Variants in SYNE2 observed in about 807,000 individuals in gnomAD.
SYNE2 encodes nesprin-2.
Under a neutral mutation model 856.3 loss-of-function variants are expected in SYNE2, and 431 were observed. The ratio of observed to expected loss-of-function variants is 0.50; its 90% CI spans 0.47 to 0.55. The LOEUF (loss-of-function observed/expected upper bound fraction) is 0.55, where lower values mean the gene tolerates loss of function less well. Among genes scored for constraint, SYNE2 ranks in the 20% least tolerant of loss-of-function variants. The pLI is 0.00. For missense variants in SYNE2, 8,129 were observed against 8,023.2 expected (o/e 1.01, Z -0.50); for synonymous variants, 2,923 against 2,872.3 (o/e 1.02, Z -0.56).
chr14:64,083,908 T>C (rs1284768045), intron 57 of SYNE2, among the ~76,000 whole-genome samples: 1 of 152,030 alleles, frequency 6.6e-6, no homozygotes, highest in Non-Finnish European at 1.5e-5. Flanking sequence ...AAAATGACAT[T>C]ATAAAAATAG....
At chr14:63,927,014 A>G (rs1451000411) in intron 2 of SYNE2, among the ~76,000 whole-genome samples, 1 of 152,188 alleles carries the variant, frequency 6.6e-6, no homozygotes, top group Non-Finnish European at 1.5e-5. Context: ...AAGGTCCTGA[A>G]AGAAGGCGGG....
intron 45 of SYNE2, among the ~76,000 whole-genome samples, chr14:64,038,704 G>C (rs554152550): frequency 2.6e-5 from 4 of 152,382 alleles, no homozygotes; most frequent in African/African-American, 9.6e-5. Context: ...CCAGTCAGGC[G>C]TGGCGGCGGG....
At chr14:63,832,379 G>T (rs575883972) in intron 1 of SYNE2, among the ~76,000 whole-genome samples, 1 of 151,930 alleles carries the variant, frequency 6.6e-6, no homozygotes, top group East Asian at 2.0e-4. Flanking sequence ...GGGCTCAAGT[G>T]ATCCTCCCAC....
intron 1 of SYNE2, among the ~76,000 whole-genome samples, chr14:63,822,171 A>G (rs1889245153): frequency 1.3e-5 from 2 of 152,174 alleles, no homozygotes. Flanking sequence ...AGCCCGGGTG[A>G]CAGAGGGAGA....
At position 64,142,032 on chromosome 14, in the gene SYNE2, T is replaced by A; in HGVS notation, c.15250T>A (p.Ser5084Thr). The A allele has an allele frequency of 1.2e-6, 2 of 1,614,144 alleles. No homozygotes were observed. The highest frequency in any genetic ancestry group is 1.7e-6 in the Non-Finnish European group (2 of 1,179,998). Residue 5084 changes from serine to threonine, a missense_variant, in exon 82 of 116, where the codon TCC becomes ACC. Physicochemically the swap from Ser to Thr is moderately conservative, Grantham distance 58. Transcript: ENST00000555002. ...NVEHQTSDED[S>T]VHSPSSASQV... ...GGAGCATCAAACTTCAGATGAAGAC[T>A]CCGTGCATTCACCAAGTTCTGCATC...
chr14:64,123,868 T>TCACA (rs34459065), intron 70 of SYNE2, among the ~76,000 whole-genome samples: 103 of 148,246 alleles, frequency 6.9e-4, no homozygotes, highest in African/African-American at 2.0e-3. Context: ...ATTAATGATT[T>TCACA]CACACACACA....
At chr14:63,864,432 A>G (rs1001425523) in intron 1 of SYNE2, 5 of 152,278 alleles carry the variant, frequency 3.3e-5, no homozygotes, top group Non-Finnish European at 7.3e-5. Context: ...TTTGGTTACA[A>G]AGACTCTCTG....
chr14:63,959,552 C>G (rs2096283780), intron 8 of SYNE2, among the ~76,000 whole-genome samples: 1 of 152,090 alleles, frequency 6.6e-6, no homozygotes, highest in Admixed American at 6.6e-5. Flanking sequence ...CCGCCTTGAC[C>G]TCACAAAGTG....
chr14:64,068,755 G>T (rs1255969), intron 51 of SYNE2, among the ~76,000 whole-genome samples: 1 of 150,730 alleles, frequency 6.6e-6, no homozygotes, highest in African/African-American at 2.4e-5. Flanking sequence ...CCAGCTGCTC[G>T]GGAGGCTGAG....
At chr14:64,108,399 A>T (rs1372995578) in intron 65 of SYNE2, among the ~76,000 whole-genome samples, 1 of 152,138 alleles carries the variant, frequency 6.6e-6, no homozygotes, top group African/African-American at 2.4e-5. Flanking sequence ...GAATGGAGGA[A>T]TAAGGAATCA....
chr14:64,122,592 C>T (rs2097906137), intron 70 of SYNE2, 165 bp downstream of exon 70: 1 of 854,892 alleles, frequency 1.2e-6, no homozygotes, highest in African/African-American at 1.7e-5. Context: ...AGGAACCCTT[C>T]CTTTGTGCTT....
At chr14:63,921,465 C>A (rs1208374540) in intron 2 of SYNE2, among the ~76,000 whole-genome samples, 2 of 152,096 alleles carry the variant, frequency 1.3e-5, no homozygotes, top group Admixed American at 6.5e-5. Flanking sequence ...AAAAGCAACA[C>A]AAGCCCGTAG....
chr14:64,071,558 C>T (rs2097407966), intron 52 of SYNE2, among the ~76,000 whole-genome samples: 2 of 152,116 alleles, frequency 1.3e-5, no homozygotes, highest in Admixed American at 1.3e-4. Flanking sequence ...ACCTTAATGT[C>T]ACCACTCAGC....
chr14:64,008,378 T>C (rs1240185261), intron 31 of SYNE2, among the ~76,000 whole-genome samples: 2 of 152,126 alleles, frequency 1.3e-5, no homozygotes, highest in South Asian at 2.1e-4. Flanking sequence ...TCTTTGGGAA[T>C]TGGGAGCATT....
rs774970664 is a variant in SYNE2, at chr14:64,080,536, C to T, written c.11244C>T (p.Asp3748=). 36 of 1,613,972 alleles carry T rather than the reference C, an allele frequency of 2.2e-5. No individual in the cohort carries two copies. The highest frequency in any genetic ancestry group is 3.0e-5 in the Non-Finnish European group (35 of 1,180,034). ...AAGTTCAGGACATTGTTGAACAGGA[C>T]CCAGGACAGGCTCAAGAATGGATGG... ...DSEVQDIVEQ[D]PGQAQEWMDN... is the part of the protein sequence containing the mutation. The change falls in exon 56 of 116, where the codon GAC becomes GAT. Residue 3748 remains aspartate (D), a synonymous_variant. Coordinates refer to ENST00000555002, the MANE Select transcript of SYNE2 (RefSeq NM_182914.3).
intron 98 of SYNE2, among the ~76,000 whole-genome samples, chr14:64,189,242 G>A (rs975866127): frequency 2.2e-4 from 34 of 152,070 alleles, no homozygotes; most frequent in African/African-American, 8.2e-4. Context: ...GCTGAGGCAG[G>A]AGGATTGCTT....
At chr14:64,021,788 A>C in intron 36 of SYNE2, 69 bp from the exon 37 acceptor site, 1 of 1,530,848 alleles carries the variant, frequency 6.5e-7, no homozygotes, top group Non-Finnish European at 9.0e-7. Context: ...AACAATTGAG[A>C]TCTAATATGC....
Position 64,134,087 on chromosome 14 carries a change from G to A in SYNE2, c.14533G>A (p.Glu4845Lys), listed in dbSNP as rs1349215082. The change falls in exon 78 of 116, where the codon GAA (glutamate) becomes AAA (lysine). Residue 4845 changes from glutamate (E) to lysine (K), a missense_variant. This residue lies in a region of SYNE2 where 5,410 missense variants were observed against 5,284.8 expected (regional missense o/e 1.02). Coordinates refer to ENST00000555002, the MANE Select transcript of SYNE2 (RefSeq NM_182914.3). ...TCTCTAGAAATGGGAAGAATTTGATGAAAACTATGCATCTCTTGAAAAGGA... is the reference window on the plus strand; with the variant it reads ...TCTCTAGAAATGGGAAGAATTTGATAAAAACTATGCATCTCTTGAAAAGGA... Reference protein sequence around the residue: ...SLLQKWEEFDENYASLEKDLE... With the variant: ...SLLQKWEEFDKNYASLEKDLE... 6.2e-7 allele frequency: 1 copy of A among 1,614,062 alleles called. No homozygotes were observed. The highest frequency in any genetic ancestry group is 8.5e-7 in the Non-Finnish European group (1 of 1,179,982).
At chr14:63,799,417 C>T (rs1365275632) in intron 1 of SYNE2, among the ~76,000 whole-genome samples, 1 of 145,022 alleles carries the variant, frequency 6.9e-6, no homozygotes, top group Admixed American at 6.9e-5. Context: ...TTTTTTTGGC[C>T]GGGCGCGGTG....
Sources: gnomAD v4.1 joint callset for allele counts (sites outside exome capture counted in the v4.1 genomes callset) on GRCh38, gnomAD v4.1.1 for gene constraint, gnomAD v4.1.1 regional missense constraint, MANE v1.5 for transcripts, NCBI Gene and HGNC (gene_info 2026-07-23, HGNC 2026-07-21) for gene names.